CTU1: variants seen among roughly 807,000 people sequenced by gnomAD.
CTU1 encodes cytoplasmic tRNA 2-thiolation protein 1.
Under a neutral mutation model 12.9 loss-of-function variants are expected in CTU1, and 15 were observed. The ratio of observed to expected loss-of-function variants is 1.16; its 90% CI spans 0.78 to 1.79. The LOEUF (loss-of-function observed/expected upper bound fraction) is 1.79, where lower values mean the gene tolerates loss of function less well. Among genes scored for constraint, CTU1 ranks in the 40% most tolerant of loss-of-function variants. The pLI, the probability that CTU1 is intolerant of heterozygous loss-of-function variation, is 0.00. For synonymous variants in CTU1, 295 were observed against 275.6 expected, an observed-to-expected ratio of 1.07 and a Z score of -0.70; for missense variants, 553 against 550.5, an observed-to-expected ratio of 1.00 and a Z score of -0.05.
chr19:51,105,881 G>C (rs2091919721), intron 1 of CTU1, among the ~76,000 whole-genome samples: 1 of 152,158 alleles, frequency 6.6e-6, no homozygotes, highest in Admixed American at 6.5e-5. Context: ...CAAACTCCAG[G>C]TACCTAAATG....
At chr19:51,103,310 AAGAC>A (rs1467268309) in intron 2 of CTU1, among the ~76,000 whole-genome samples, 3 of 152,138 alleles carry the variant, frequency 2.0e-5, no homozygotes, top group Non-Finnish European at 4.4e-5. Flanking sequence ...ATGGATGAAA[AAGAC>A]AGAATAAAAA....
rs536571447 is a variant in CTU1 at position 51,104,162 on chromosome 19, G to C, written c.408C>G (p.Gly136=). The C allele has an allele frequency of 2.2e-4, 335 of 1,519,168 alleles. 3 individuals are homozygous for C. The Admixed American group carries it at 6.7e-3, about 30-fold the overall frequency. 94.1% of individuals were successfully genotyped at this position (1,519,168 alleles called of 1,614,324 possible). The change falls in exon 2 of 3, where the codon GGC becomes GGG. Residue 136 remains glycine (G), a synonymous_variant. Transcript: ENST00000421832. The stretch of plus-strand genomic sequence containing the variant: ...TGCAGCAGGAGCGGCTGCGGCCGGA[G>C]CCGGCTGTGCTGCGGGCCACGGCGT... ...TMDAVARSTA[G]SGRSRSCCTF...
Position 51,104,047 on chromosome 19 carries a change from C to G in CTU1, c.508+15G>C, listed in dbSNP as rs1466098197. The G allele has an allele frequency of 7.0e-7, 1 of 1,431,352 alleles. No homozygotes were observed. The highest frequency in any genetic ancestry group is 1.5e-5 in the African/African-American group (1 of 67,048). 88.7% of individuals were successfully genotyped at this position (1,431,352 alleles called of 1,614,324 possible). A position where few individuals can be genotyped will look rare whatever the true frequency, so the allele number is the denominator to read the frequency against. On this transcript the variant is annotated intron_variant, in intron 2 of 2. Coordinates refer to ENST00000421832, the MANE Select transcript of CTU1 (RefSeq NM_145232.4). The stretch of plus-strand genomic sequence containing the variant: ...GCCTCGGAGAGTGCCGCTCTGCGGC[C>G]CGTACTACGCTCACCTGTCACGATG...
rs1486179582 is a variant in CTU1, at chr19:51,108,129, G to A, written c.-22+218C>T. 6.6e-6 allele frequency among the ~76,000 whole-genome samples: 1 copy of A among 151,888 alleles called. No individual in the cohort carries two copies. Reference sequence around the variant, plus strand: ...GATAGTAACATAGGGGCGGGGGCAAGCAGATGGTCTTATCCTGTCTTGGGG... The same window carrying A: ...GATAGTAACATAGGGGCGGGGGCAAACAGATGGTCTTATCCTGTCTTGGGG... On this transcript the variant is annotated intron_variant, in intron 1 of 2. Transcript: ENST00000421832. This position sits in a 1 kb window ranked among gnomAD's most constrained non-coding sequence, Gnocchi z 4.5.
chr19:51,104,723 T>G (rs1287826326), intron 1 of CTU1, 133 bp from the exon 2 acceptor site: 2 of 641,986 alleles, frequency 3.1e-6, no homozygotes, highest in South Asian at 8.0e-5. Flanking sequence ...TGGAGTAGCT[T>G]CTTCTAGCGC....
Position 51,098,862 on chromosome 19 carries a change from C to A in CTU1, c.786G>T (p.Ala262=). The A allele has an allele frequency of 1.4e-6, 2 of 1,393,820 alleles. No homozygotes were observed. The highest frequency in any genetic ancestry group is 1.9e-6 in the Non-Finnish European group (2 of 1,068,128). 86.3% of individuals were successfully genotyped at this position (1,393,820 alleles called of 1,614,324 possible). A position where few individuals can be genotyped will look rare whatever the true frequency, so the allele number is the denominator to read the frequency against. The part of the protein sequence containing the change: ...LKRLEAARPS[A]VLDLVHSAER... The stretch of plus-strand genomic sequence containing the variant: ...CGGCCGAGTGCACGAGGTCCAGCAC[C>A]GCGGACGGCCGCGCCGCCTCCAGGC... Residue 262 remains alanine (A), a synonymous_variant, in exon 3 of 3, where the codon GCG becomes GCT. Transcript: ENST00000421832. The surrounding 1 kb of genome is among the most constrained non-coding windows in gnomAD (Gnocchi z 4.3).
rs182679756 is a variant in CTU1, at chr19:51,099,108, C to T, written c.540G>A (p.Val180=). ...GHNADDMAET[V]LMNFLRGDAG... ...CGTCGCCCCGTAGGAAGTTCATGAG[C>T]ACGGTCTCCGCCATGTCGTCGGCGT... The change falls in exon 3 of 3, where the codon GTG becomes GTA. Residue 180 remains valine, a synonymous_variant. Coordinates refer to ENST00000421832, the MANE Select transcript of CTU1 (RefSeq NM_145232.4). 1,250 of 1,565,484 alleles carry T rather than the reference C, an allele frequency of 8.0e-4. 12 individuals carry two copies. In the East Asian group the frequency reaches 0.026, roughly 32 times the overall value.
intron 2 of CTU1, among the ~76,000 whole-genome samples, chr19:51,102,436 T>C (rs957301849): frequency 6.6e-6 from 1 of 152,232 alleles, no homozygotes; most frequent in Non-Finnish European, 1.5e-5. Flanking sequence ...TGAATGAAGC[T>C]CAGTAAGCCT....
intron 2 of CTU1, among the ~76,000 whole-genome samples, chr19:51,103,694 A>C (rs1470909606): frequency 6.6e-6 from 1 of 152,320 alleles, no homozygotes; most frequent in South Asian, 2.1e-4. Context: ...AAGGTGGACC[A>C]TAAGAGATCA....
Position 51,104,089 on chromosome 19 carries a change from G to A in CTU1, c.481C>T (p.Arg161Cys), listed in dbSNP as rs568081712. 2 of 1,469,158 alleles carry A rather than the reference G, an allele frequency of 1.4e-6. No individual in the cohort carries two copies. Among genetic ancestry groups the A allele is most frequent in the East Asian group, 2.6e-5 (1 of 38,462 alleles). The allele number at this position is 1,469,158 out of a possible 1,614,324, so 91.0% of individuals were successfully genotyped here. Reference protein sequence around the residue: ...RRRALEEGARRVGATHIVTGH... With the variant: ...RRRALEEGARCVGATHIVTGH... ...GTCACGATGTGCGTGGCTCCCACGCGGCGCGCCCCTTCCTCCAGCGCCCGG... is the reference window on the plus strand; with the variant it reads ...GTCACGATGTGCGTGGCTCCCACGCAGCGCGCCCCTTCCTCCAGCGCCCGG... Residue 161 changes from arginine (R) to cysteine (C), a missense_variant, in exon 2 of 3, where the codon CGC (arginine) becomes TGC (cysteine). This residue lies in a region of CTU1 where 500 missense variants were observed against 458.5 expected (regional missense o/e 1.09). Transcript: ENST00000421832.
At position 51,104,129 on chromosome 19, in the gene CTU1, A is replaced by C. The variant is rs1240702252; in HGVS notation, c.441T>G (p.Cys147Trp). The C allele has an allele frequency of 6.6e-7, 1 of 1,511,226 alleles. No homozygotes were observed. The highest frequency in any genetic ancestry group is 8.7e-7 in the Non-Finnish European group (1 of 1,145,084). 93.6% of individuals were successfully genotyped at this position (1,511,226 alleles called of 1,614,324 possible). A position where few individuals can be genotyped will look rare whatever the true frequency, so the allele number is the denominator to read the frequency against. The change falls in exon 2 of 3, where the codon TGT becomes TGG. Residue 147 changes from cysteine to tryptophan, a missense_variant. Cys to Trp is a radical substitution (Grantham distance 215). Around this residue, in one of 2 missense-constraint regions of CTU1, gnomAD observed 500 missense variants for 458.5 expected, o/e 1.09. Coordinates refer to ENST00000421832, the MANE Select transcript of CTU1 (RefSeq NM_145232.4). Reference protein sequence around the residue: ...SGRSRSCCTFCGVLRRRALEE... With the variant: ...SGRSRSCCTFWGVLRRRALEE... Reference sequence around the variant, plus strand: ...CCAGCGCCCGGCGCCGCAGCACTCCACAGAAGGTGCAGCAGGAGCGGCTGC... The same window carrying C: ...CCAGCGCCCGGCGCCGCAGCACTCCCCAGAAGGTGCAGCAGGAGCGGCTGC...
chr19:51,104,513 C>T lies in CTU1; in HGVS notation c.57G>A (p.Pro19=), dbSNP rs1185239309. Residue 19 remains proline, a synonymous_variant, in exon 2 of 3, where the codon CCG becomes CCA. Coordinates refer to ENST00000421832, the MANE Select transcript of CTU1 (RefSeq NM_145232.4). The part of the protein sequence containing the change: ...CHAARAALRR[P]LSGQALCGAC... Reference sequence around the variant, plus strand: ...CACCGCACAGCGCTTGGCCCGAGAGCGGACGGCGGAGGGCGGCGCGTGCAG... The same window carrying T: ...CACCGCACAGCGCTTGGCCCGAGAGTGGACGGCGGAGGGCGGCGCGTGCAG... The T allele has an allele frequency of 2.3e-6, 3 of 1,276,878 alleles. No homozygotes were observed. The highest frequency in any genetic ancestry group is 4.2e-5 in the Admixed American group (1 of 24,064). The allele number at this position is 1,276,878 out of a possible 1,614,324, so 79.1% of individuals were successfully genotyped here. A position where few individuals can be genotyped will look rare whatever the true frequency, so the allele number is the denominator to read the frequency against.
At chr19:51,104,817 A>C (rs2691249) in intron 1 of CTU1, among the ~76,000 whole-genome samples, 83,714 of 151,994 alleles carry the variant, frequency 0.55, 23,474 homozygotes, top group East Asian at 0.78. Flanking sequence ...CCATTATGCA[A>C]GAAGAAGAGA....
intron 2 of CTU1, among the ~76,000 whole-genome samples, chr19:51,103,016 A>G (rs2091910855): frequency 6.6e-6 from 1 of 152,248 alleles, no homozygotes; most frequent in Admixed American, 6.5e-5. Context: ...ACTTGTGCGT[A>G]ACTGTATTCT....
Position 51,108,238 on chromosome 19 carries a change from C to G in CTU1, c.-22+109G>C, listed in dbSNP as rs1292797977. The G allele has an allele frequency of 6.6e-6, 1 of 152,174 alleles. No individual in the cohort carries two copies. Among genetic ancestry groups the G allele is most frequent in the African/African-American group, 2.4e-5 (1 of 41,396 alleles). 9.4% of individuals were successfully genotyped at this position (152,174 alleles called of 1,614,324 possible). ...CTACAAGGCCTCAGGGACACGGGCG[C>G]TGGGAAATCACAGAGGCCTTACGCT... On this transcript the variant is annotated intron_variant, in intron 1 of 2. Coordinates refer to ENST00000421832, the MANE Select transcript of CTU1 (RefSeq NM_145232.4). This position sits in a 1 kb window ranked among gnomAD's most constrained non-coding sequence, Gnocchi z 4.5.
At position 51,099,095 on chromosome 19, in the gene CTU1, G is replaced by C. The variant is rs1568603567; in HGVS notation, c.553C>G (p.Leu185Val). 1.9e-6 allele frequency: 3 copies of C among 1,558,060 alleles called. No individual in the cohort carries two copies. The East Asian group carries it at 7.1e-5, about 37-fold the overall frequency. ...DMAETVLMNF[L>V]RGDAGRLARG... ...GCCAGCCGCCCCGCGTCGCCCCGTA[G>C]GAAGTTCATGAGCACGGTCTCCGCC... The change falls in exon 3 of 3, where the codon CTA (leucine) becomes GTA (valine). Residue 185 changes from leucine to valine, a missense_variant. Leu to Val is a conservative substitution (Grantham distance 32). Around this residue, in one of 2 missense-constraint regions of CTU1, gnomAD observed 500 missense variants for 458.5 expected, o/e 1.09. Transcript: ENST00000421832.
intron 2 of CTU1, among the ~76,000 whole-genome samples, chr19:51,103,128 T>C (rs1300289294): frequency 6.6e-6 from 1 of 152,224 alleles, no homozygotes; most frequent in Non-Finnish European, 1.5e-5. Context: ...TAGATAACGT[T>C]ATACTTCTAC....
intron 1 of CTU1, among the ~76,000 whole-genome samples, chr19:51,107,395 T>C (rs778004696): frequency 6.6e-6 from 1 of 151,324 alleles, no homozygotes; most frequent in Non-Finnish European, 1.5e-5. Flanking sequence ...GCCCAGGAGG[T>C]CAAGGCTGCA....
intron 1 of CTU1, among the ~76,000 whole-genome samples, chr19:51,105,438 C>T (rs1438838283): frequency 6.6e-6 from 1 of 152,102 alleles, no homozygotes; most frequent in Non-Finnish European, 1.5e-5. Context: ...GACTCCAACC[C>T]TCCAGTCAAA....
Sources: gnomAD v4.1 joint callset for allele counts (sites outside exome capture counted in the v4.1 genomes callset) on GRCh38, gnomAD v4.1.1 for gene constraint, gnomAD v4.1.1 regional missense constraint, Gnocchi (gnomAD v3.1) non-coding constraint, MANE v1.5 for transcripts, NCBI Gene and HGNC (gene_info 2026-07-23, HGNC 2026-07-21) for gene names.